PCCA: variants seen among roughly 807,000 people sequenced by gnomAD.
The protein encoded by PCCA is propionyl-CoA carboxylase subunit alpha.
PCCA carries 74 observed loss-of-function variants against 101.3 expected under a neutral mutation model. That is an observed-to-expected ratio of 0.73 (90% CI 0.61 to 0.89). The LOEUF is 0.89. PCCA is among the 40% of genes least tolerant of loss of function. The pLI is 0.00. For synonymous variants in PCCA, 294 were observed against 313.6 expected, an observed-to-expected ratio of 0.94 and a Z score of 0.66; for missense variants, 891 against 907.0, an observed-to-expected ratio of 0.98 and a Z score of 0.23.
chr13:100,320,143 A>G (rs559628933), intron 16 of PCCA, among the ~76,000 whole-genome samples: 210 of 152,316 alleles, frequency 1.4e-3, no homozygotes, highest in Non-Finnish European at 2.4e-3. Context: ...TTATTGGTGT[A>G]TAAGAATGCT....
chr13:100,112,759 A>G (rs1389223554), intron 4 of PCCA, among the ~76,000 whole-genome samples: 2 of 151,984 alleles, frequency 1.3e-5, no homozygotes, highest in Non-Finnish European at 2.9e-5. Context: ...GTATTTTTGT[A>G]GAGACAGGGT....
At chr13:100,395,494 C>T (rs183025921) in intron 19 of PCCA, among the ~76,000 whole-genome samples, 21 of 152,270 alleles carry the variant, frequency 1.4e-4, no homozygotes, top group African/African-American at 3.1e-4. Context: ...AAAGTTTTCA[C>T]GGAAAGGGCC....
chr13:100,150,536 G>T, intron 4 of PCCA: 1 of 1,324,626 alleles, frequency 7.5e-7, no homozygotes, highest in Non-Finnish European at 1.1e-6. Context: ...TCCCCGGCGA[G>T]AACCACCAAT....
intron 20 of PCCA, among the ~76,000 whole-genome samples, chr13:100,428,340 A>AT (rs2079310806): frequency 1.0e-4 from 1 of 10,036 alleles, no homozygotes; most frequent in African/African-American, 3.8e-4. Flanking sequence ...CCTACCCCCC[A>AT]CCCCCACCCC....
intron 4 of PCCA, among the ~76,000 whole-genome samples, chr13:100,113,551 T>A (rs1475222896): frequency 1.3e-5 from 2 of 151,940 alleles, no homozygotes; most frequent in Non-Finnish European, 2.9e-5. Context: ...TATAAACTTT[T>A]AAATTTTGTC....
At chr13:100,172,754 A>G (rs2055821358) in intron 6 of PCCA, among the ~76,000 whole-genome samples, 1 of 152,216 alleles carries the variant, frequency 6.6e-6, no homozygotes, top group East Asian at 1.9e-4. Flanking sequence ...TGTGCCAGGC[A>G]CTATTCCCAC....
intron 6 of PCCA, among the ~76,000 whole-genome samples, chr13:100,174,388 T>A (rs1279247812): frequency 5.3e-5 from 8 of 149,982 alleles, no homozygotes; most frequent in Non-Finnish European, 1.2e-4. Flanking sequence ...TTTAAATGTT[T>A]TATAGTATAA....
chr13:100,147,780 A>C (rs780373789), intron 4 of PCCA, among the ~76,000 whole-genome samples: 2 of 151,718 alleles, frequency 1.3e-5, no homozygotes, highest in Admixed American at 1.3e-4. Context: ...AGTATTATTT[A>C]TTTCTTTTTT....
rs547191190 is a variant in PCCA, at chr13:100,491,194, A to C, written c.1900-24233A>C. 1.6e-4 allele frequency: 25 copies of C among 154,458 alleles called. 1 individual carries two copies. The highest frequency in any genetic ancestry group is 5.0e-4 in the African/African-American group (21 of 41,594). The allele number at this position is 154,458 out of a possible 1,614,324, so 9.6% of individuals were successfully genotyped here. ...ACTGTACGAGGATTTTTCAAAAGTA[A>C]GTATTGTTCATTCTAAAGGAAGGAA... On this transcript the variant is annotated intron_variant, in intron 21 of 23. Coordinates refer to ENST00000376285, the MANE Select transcript of PCCA (RefSeq NM_000282.4).
chr13:100,162,937 TA>T (rs1566612928), intron 6 of PCCA, among the ~76,000 whole-genome samples: 2 of 152,228 alleles, frequency 1.3e-5, no homozygotes, highest in Non-Finnish European at 2.9e-5. Context: ...TGCAACTTCA[TA>T]AAACCCTTAT....
chr13:100,440,962 G>A (rs1439580496), intron 20 of PCCA, among the ~76,000 whole-genome samples: 1 of 152,040 alleles, frequency 6.6e-6, no homozygotes, highest in Non-Finnish European at 1.5e-5. Context: ...ATATTTCAAG[G>A]CAGTTTAACA....
At chr13:100,089,836 C>G (rs930182581) in intron 1 of PCCA, among the ~76,000 whole-genome samples, 18 of 152,144 alleles carry the variant, frequency 1.2e-4, no homozygotes, top group African/African-American at 4.3e-4. Context: ...TAGTGGTGAG[C>G]CTGATTTTGG....
rs1384464999 is a variant in PCCA at position 100,453,128 on chromosome 13, G to A, written c.1899+3823G>A. 3.3e-5 allele frequency among the ~76,000 whole-genome samples: 5 copies of A among 152,054 alleles called. 1 individual carries two copies. Among genetic ancestry groups the A allele is most frequent in the South Asian group, 4.1e-4 (2 of 4,834 alleles). On this transcript the variant is annotated intron_variant, in intron 21 of 23. Coordinates refer to ENST00000376285, the MANE Select transcript of PCCA (RefSeq NM_000282.4). ...AGCCCAGGGAGGTCGAGGCTACAGC[G>A]AGCCGTGATCACACCACTGCACTCC...
chr13:100,227,308 T>C lies in PCCA; in HGVS notation c.601-8534T>C, dbSNP rs369615545. ...TGAGCTCTTAACTGCAAGGCTTGGTTACCCCACAGGCCATGTTCTAGGTAT... is the reference window on the plus strand; with the variant it reads ...TGAGCTCTTAACTGCAAGGCTTGGTCACCCCACAGGCCATGTTCTAGGTAT... On this transcript the variant is annotated intron_variant, in intron 7 of 23. Coordinates refer to ENST00000376285, the MANE Select transcript of PCCA (RefSeq NM_000282.4). 9.5e-4 allele frequency among the ~76,000 whole-genome samples: 144 copies of C among 152,294 alleles called. 4 individuals carry two copies. The South Asian group carries it at 0.027, about 29-fold the overall frequency.
chr13:100,443,987 A>G (rs1472257559), intron 20 of PCCA, among the ~76,000 whole-genome samples: 1 of 152,098 alleles, frequency 6.6e-6, no homozygotes, highest in Non-Finnish European at 1.5e-5. Context: ...GTCACACTCC[A>G]GTTCTTAACT....
chr13:100,222,907 T>C (rs962799685), intron 7 of PCCA, among the ~76,000 whole-genome samples: 6 of 152,214 alleles, frequency 3.9e-5, no homozygotes, highest in African/African-American at 1.4e-4. Flanking sequence ...CTTTAAAGCA[T>C]TGTGTGCAGT....
chr13:100,296,285 G>A (rs1442423643), intron 12 of PCCA, among the ~76,000 whole-genome samples: 1 of 151,704 alleles, frequency 6.6e-6, no homozygotes, highest in Non-Finnish European at 1.5e-5. Flanking sequence ...CCATTTCCCA[G>A]ACTGGAGTGC....
chr13:100,423,029 T>C (rs564773482), intron 19 of PCCA, among the ~76,000 whole-genome samples: 1 of 152,088 alleles, frequency 6.6e-6, no homozygotes, highest in East Asian at 1.9e-4. Context: ...TTCCAAATTG[T>C]ATGCAGACAT....
intron 4 of PCCA, among the ~76,000 whole-genome samples, chr13:100,125,902 T>A (rs1397784228): frequency 6.6e-6 from 1 of 152,240 alleles, no homozygotes; most frequent in Admixed American, 6.5e-5. Flanking sequence ...TGCAGAATAG[T>A]AGCAGGAGGC....
Sources: gnomAD v4.1 joint callset for allele counts (sites outside exome capture counted in the v4.1 genomes callset) on GRCh38, gnomAD v4.1.1 for gene constraint, MANE v1.5 for transcripts, NCBI Gene and HGNC (gene_info 2026-07-23, HGNC 2026-07-21) for gene names.